The following ASTN2 variants were observed in gnomAD, a reference collection of about 807,000 sequenced individuals.
The protein encoded by ASTN2 is astrotactin-2.
A neutral mutation model predicts 139.8 loss-of-function variants in ASTN2; 54 were observed. The ratio of observed to expected loss-of-function variants is 0.39; its 90% CI spans 0.31 to 0.48. ASTN2 has a LOEUF of 0.48. ASTN2 is among the 20% of genes least tolerant of loss of function. The probability of loss-of-function intolerance (pLI) is 0.95; values close to 1 mark genes in which losing one functional copy is unlikely to be tolerated. For missense variants in ASTN2, 1,565 were observed against 1,725.1 expected, an observed-to-expected ratio of 0.91 and a Z score of 1.64; for synonymous variants, 756 against 719.5, an observed-to-expected ratio of 1.05 and a Z score of -0.81.
At chr9:117,133,261 C>A (rs1387270440) in intron 4 of ASTN2, among the ~76,000 whole-genome samples, 3 of 152,210 alleles carry the variant, frequency 2.0e-5, no homozygotes, top group African/African-American at 4.8e-5. Flanking sequence ...GCCTGCGGAG[C>A]ACTTTACAAA....
chr9:116,625,697 T>A (rs1856416044), intron 17 of ASTN2, among the ~76,000 whole-genome samples: 1 of 152,092 alleles, frequency 6.6e-6, no homozygotes, highest in African/African-American at 2.4e-5. Context: ...CCTGCACCCC[T>A]CTCTGTGATC....
At chr9:117,195,112 C>G (rs945592988) in intron 3 of ASTN2, among the ~76,000 whole-genome samples, 1 of 152,114 alleles carries the variant, frequency 6.6e-6, no homozygotes, top group African/African-American at 2.4e-5. Context: ...AATTAAAATA[C>G]TTAACAAATC....
chr9:116,572,439 G>A (rs1323310940), intron 19 of ASTN2, among the ~76,000 whole-genome samples: 2 of 152,174 alleles, frequency 1.3e-5, no homozygotes, highest in African/African-American at 4.8e-5. Flanking sequence ...TTCTTAATAA[G>A]GGACTTTAGG....
intron 1 of ASTN2, among the ~76,000 whole-genome samples, chr9:117,358,824 C>T (rs959409268): frequency 8.5e-5 from 13 of 152,074 alleles, no homozygotes; most frequent in African/African-American, 2.9e-4. Context: ...CTCATTCTGT[C>T]GTTCCTCTCC....
At chr9:116,643,715 G>T (rs1013411395) in intron 17 of ASTN2, among the ~76,000 whole-genome samples, 7 of 152,070 alleles carry the variant, frequency 4.6e-5, no homozygotes, top group Non-Finnish European at 1.0e-4. Flanking sequence ...GTATCTGATG[G>T]ATATTATTGT....
intron 13 of ASTN2, among the ~76,000 whole-genome samples, chr9:116,737,610 CGTGTGTGTGTGTGTGTGTGTGTGTGT>C (rs57891581): frequency 7.3e-6 from 1 of 137,250 alleles, no homozygotes; most frequent in African/African-American, 2.7e-5. Flanking sequence ...CATGTGCCAA[CGTGTGTGTGTGTGTGTGTGTGTGTGT>C]GTGTGTGTGT....
chr9:116,802,621 T>C (rs1342985742), intron 13 of ASTN2, among the ~76,000 whole-genome samples: 1 of 152,218 alleles, frequency 6.6e-6, no homozygotes, highest in African/African-American at 2.4e-5. Context: ...AACAGAATGG[T>C]ACATTGGCTC....
intron 20 of ASTN2, among the ~76,000 whole-genome samples, chr9:116,456,334 T>C (rs1034352842): frequency 2.6e-5 from 4 of 152,016 alleles, no homozygotes; most frequent in Non-Finnish European, 5.9e-5. Flanking sequence ...ATATAAAACA[T>C]TGAGTCAAGA....
At chr9:117,368,293 GCACA>G (rs938878450) in intron 1 of ASTN2, among the ~76,000 whole-genome samples, 8 of 151,454 alleles carry the variant, frequency 5.3e-5, no homozygotes, top group Non-Finnish European at 8.8e-5. Flanking sequence ...ACATGTGCAT[GCACA>G]CACACACATT....
intron 10 of ASTN2, among the ~76,000 whole-genome samples, chr9:116,937,251 A>G (rs957951150): frequency 4.6e-5 from 7 of 152,108 alleles, no homozygotes; most frequent in Non-Finnish European, 1.0e-4. Context: ...GAGGCTCTTC[A>G]TGGTTGACTC....
At chr9:116,520,689 T>C (rs750922629) in intron 19 of ASTN2, among the ~76,000 whole-genome samples, 10 of 151,998 alleles carry the variant, frequency 6.6e-5, no homozygotes, top group African/African-American at 1.9e-4. Flanking sequence ...GGGCATCAAA[T>C]TGGTAAAGTG....
intron 1 of ASTN2, among the ~76,000 whole-genome samples, chr9:117,354,164 A>G (rs544395906): frequency 6.6e-6 from 1 of 152,272 alleles, no homozygotes; most frequent in Admixed American, 6.5e-5. Flanking sequence ...ACTCGGGAGT[A>G]TAAGGAACTC....
In ASTN2 at chr9:117,096,114, G is replaced by A. The variant is rs149881708; in HGVS notation, c.1206C>T (p.Gly402=). ...GCTGAGTTTCATCGTCTGCCTCTGAGCCCGACGTCCCCTTGGCTCTCCCAA... is the reference window on the plus strand; with the variant it reads ...GCTGAGTTTCATCGTCTGCCTCTGAACCCGACGTCCCCTTGGCTCTCCCAA... The part of the protein sequence containing the change: ...ISFGRAKGTS[G]SEADDETQLT... The change falls in exon 5 of 23, where the codon GGC becomes GGT. Residue 402 remains glycine, a synonymous_variant. Coordinates refer to ENST00000313400, the MANE Select transcript of ASTN2 (RefSeq NM_001365068.1). The A allele has an allele frequency of 3.1e-6, 5 of 1,614,080 alleles. No homozygotes were observed. Among genetic ancestry groups the A allele is most frequent in the Non-Finnish European group, 4.2e-6 (5 of 1,179,974 alleles).
chr9:117,244,879 A>G (rs940278402), intron 2 of ASTN2, among the ~76,000 whole-genome samples: 2 of 152,144 alleles, frequency 1.3e-5, no homozygotes, highest in Non-Finnish European at 2.9e-5. Flanking sequence ...AAGCTCTCCT[A>G]TCATCAACGT....
At chr9:116,541,664 G>A (rs1851882492) in intron 19 of ASTN2, among the ~76,000 whole-genome samples, 1 of 152,178 alleles carries the variant, frequency 6.6e-6, no homozygotes, top group Admixed American at 6.5e-5. Context: ...TGGAAGCAGA[G>A]ACAGAACAAG....
intron 19 of ASTN2, among the ~76,000 whole-genome samples, chr9:116,578,062 A>G (rs1853794634): frequency 6.6e-6 from 1 of 152,182 alleles, no homozygotes; most frequent in South Asian, 2.1e-4. Context: ...GGGCTTTAGG[A>G]TCCTTTCTCT....
chr9:116,675,959 T>C (rs1859475241), intron 16 of ASTN2, among the ~76,000 whole-genome samples: 1 of 152,180 alleles, frequency 6.6e-6, no homozygotes, highest in South Asian at 2.1e-4. Flanking sequence ...ATGTCTGTTT[T>C]GTTATGTGTA....
At chr9:116,565,942 T>G (rs1853211714) in intron 19 of ASTN2, among the ~76,000 whole-genome samples, 1 of 152,198 alleles carries the variant, frequency 6.6e-6, no homozygotes, top group Non-Finnish European at 1.5e-5. Context: ...GATACTTGGA[T>G]ACTGTTTTAG....
intron 10 of ASTN2, among the ~76,000 whole-genome samples, chr9:116,926,501 G>C (rs1215958685): frequency 5.9e-5 from 9 of 151,988 alleles, no homozygotes; most frequent in Non-Finnish European, 1.3e-4. Flanking sequence ...TCTTTACCTT[G>C]ATAAAACACA....
Sources: gnomAD v4.1 joint callset for allele counts (sites outside exome capture counted in the v4.1 genomes callset) on GRCh38, gnomAD v4.1.1 for gene constraint, MANE v1.5 for transcripts, NCBI Gene and HGNC (gene_info 2026-07-23, HGNC 2026-07-21) for gene names.